IQCJ: variants seen among roughly 807,000 people sequenced by gnomAD.
IQCJ encodes IQ motif containing J.
IQCJ carries 9 observed loss-of-function variants against 11.0 expected under a neutral mutation model. The observed-to-expected ratio is 0.82, with a 90% CI of 0.49 to 1.43. The LOEUF is 1.43. Among genes scored for constraint, IQCJ ranks in the 40% most tolerant of loss-of-function variants. The probability of loss-of-function intolerance (pLI) is 0.00; values close to 1 mark genes in which losing one functional copy is unlikely to be tolerated. For synonymous variants in IQCJ, 55 were observed against 51.3 expected, an observed-to-expected ratio of 1.07 and a Z score of -0.31; for missense variants, 146 against 133.2, an observed-to-expected ratio of 1.10 and a Z score of -0.47.
chr3:159,226,549 T>C (rs1725864710), intron 1 of IQCJ, among the ~76,000 whole-genome samples: 1 of 152,186 alleles, frequency 6.6e-6, no homozygotes. Context: ...TTATGCAAGA[T>C]GCTAATATTG....
At chr3:159,239,023 G>A (rs928052736) in intron 1 of IQCJ, among the ~76,000 whole-genome samples, 5 of 152,176 alleles carry the variant, frequency 3.3e-5, no homozygotes, top group African/African-American at 1.2e-4. Flanking sequence ...GGACTAGCAA[G>A]AGAAACCAAT....
intron 1 of IQCJ, among the ~76,000 whole-genome samples, chr3:159,194,706 T>G (rs1380235026): frequency 6.6e-6 from 1 of 152,186 alleles, no homozygotes; most frequent in African/African-American, 2.4e-5. Flanking sequence ...GATCTTTTCT[T>G]CCATCTTCTG....
intron 1 of IQCJ, among the ~76,000 whole-genome samples, chr3:159,200,984 A>T (rs1724298019): frequency 6.6e-6 from 1 of 151,424 alleles, no homozygotes. Flanking sequence ...CCCTGTATAG[A>T]TTAATGATAT....
intron 1 of IQCJ, among the ~76,000 whole-genome samples, chr3:159,086,924 A>C (rs896269566): frequency 6.6e-6 from 1 of 152,054 alleles, no homozygotes; most frequent in South Asian, 2.1e-4. Context: ...TCTCCTGCCT[A>C]ATTGCCCTGG....
intron 1 of IQCJ, among the ~76,000 whole-genome samples, chr3:159,144,409 G>A (rs185272694): frequency 6.6e-6 from 1 of 152,186 alleles, no homozygotes; most frequent in African/African-American, 2.4e-5. Flanking sequence ...TAGGGATCAT[G>A]AGTATCTCTG....
At chr3:159,125,632 A>C (rs1013721577) in intron 1 of IQCJ, among the ~76,000 whole-genome samples, 5 of 152,342 alleles carry the variant, frequency 3.3e-5, no homozygotes, top group African/African-American at 1.2e-4. Flanking sequence ...TTTTTTAAAA[A>C]GGCAAGGTCA....
intron 3 of IQCJ, among the ~76,000 whole-genome samples, chr3:159,261,878 C>T (rs563166999): frequency 1.3e-5 from 2 of 152,362 alleles, no homozygotes; most frequent in South Asian, 2.1e-4. Context: ...TAGTACGTAA[C>T]ACTTGAATAA....
intron 2 of IQCJ, among the ~76,000 whole-genome samples, chr3:159,252,441 C>T (rs1727657095): frequency 6.6e-6 from 1 of 152,110 alleles, no homozygotes; most frequent in South Asian, 2.1e-4. Flanking sequence ...TGAAATTGTC[C>T]AATATGCTCC....
At position 159,246,645 on chromosome 3, in the gene IQCJ, G is replaced by T. The variant is rs1318551832; in HGVS notation, c.74+738G>T. On this transcript the variant is annotated intron_variant, in intron 2 of 3. Coordinates refer to ENST00000397832, the MANE Select transcript of IQCJ (RefSeq NM_001042706.3). ...GCTTGGCTCTGGACACCACGTTTAA[G>T]AATCACATTGACATTGCCAAGAGTA... Among the ~76,000 whole-genome samples the T allele has an allele frequency of 2.6e-5, 4 of 152,104 alleles. No individual in the cohort carries two copies. The East Asian group carries it at 7.7e-4, about 29-fold the overall frequency.
intron 1 of IQCJ, among the ~76,000 whole-genome samples, chr3:159,143,316 T>C (rs564234548): frequency 6.6e-6 from 1 of 152,340 alleles, no homozygotes; most frequent in African/African-American, 2.4e-5. Flanking sequence ...TACTGTTCCA[T>C]ACAAATTCTC....
At chr3:159,091,055 T>C (rs1717242106) in intron 1 of IQCJ, among the ~76,000 whole-genome samples, 1 of 151,878 alleles carries the variant, frequency 6.6e-6, no homozygotes, top group African/African-American at 2.4e-5. Flanking sequence ...ATAATTAATG[T>C]TGACCTATGG....
chr3:159,167,313 C>T (rs1722227106), intron 1 of IQCJ, among the ~76,000 whole-genome samples: 1 of 152,086 alleles, frequency 6.6e-6, no homozygotes, highest in Non-Finnish European at 1.5e-5. Context: ...AATTGATTTC[C>T]ATTTTCTGAA....
chr3:159,117,886 T>C (rs566954683), intron 1 of IQCJ, among the ~76,000 whole-genome samples: 1 of 152,310 alleles, frequency 6.6e-6, no homozygotes, highest in Non-Finnish European at 1.5e-5. Context: ...GTTTACTAGC[T>C]ACTGTGCTAG....
chr3:159,258,058 G>A (rs911229921), intron 3 of IQCJ, among the ~76,000 whole-genome samples: 3 of 152,100 alleles, frequency 2.0e-5, no homozygotes, highest in East Asian at 1.9e-4. Flanking sequence ...ATGGTCTAAC[G>A]TGCTTTAAGC....
At position 159,121,280 on chromosome 3, in the gene IQCJ, T is replaced by A. The variant is rs147538304; in HGVS notation, c.9+51839T>A. Among the ~76,000 whole-genome samples, 531 of 152,068 alleles carry A rather than the reference T, an allele frequency of 3.5e-3. 4 individuals are homozygous for A. Among genetic ancestry groups the A allele is most frequent in the Middle Eastern group, 0.02 (6 of 294 alleles). On this transcript the variant is annotated intron_variant, in intron 1 of 3. Transcript: ENST00000397832. ...TCCTGAATAGCTGGGACCACAGGCA[T>A]GCATTACCATGCCCGGCTAATCAAA...
At chr3:159,161,278 A>C (rs1246720755) in intron 1 of IQCJ, among the ~76,000 whole-genome samples, 1 of 152,210 alleles carries the variant, frequency 6.6e-6, no homozygotes, top group Non-Finnish European at 1.5e-5. Flanking sequence ...TCTGATGGCC[A>C]GTGATGGTGG....
At chr3:159,189,073 A>C (rs1001982453) in intron 1 of IQCJ, among the ~76,000 whole-genome samples, 2 of 152,116 alleles carry the variant, frequency 1.3e-5, no homozygotes, top group Non-Finnish European at 2.9e-5. Context: ...TATAGATGCA[A>C]GCCTCTGTAA....
chr3:159,119,390 A>G (rs562629939), intron 1 of IQCJ, among the ~76,000 whole-genome samples: 2 of 152,232 alleles, frequency 1.3e-5, no homozygotes, highest in Admixed American at 6.5e-5. Flanking sequence ...AACATGCGGC[A>G]GACTACCAAA....
chr3:159,224,870 C>A (rs1725757840), intron 1 of IQCJ, among the ~76,000 whole-genome samples: 1 of 152,028 alleles, frequency 6.6e-6, no homozygotes, highest in Admixed American at 6.6e-5. Flanking sequence ...ATAACAAATT[C>A]TTTTTTAAAT....
Sources: allele counts gnomAD v4.1 joint callset (sites outside exome capture counted in the v4.1 genomes callset), GRCh38; gene constraint gnomAD v4.1.1; transcripts MANE v1.5; gene names NCBI Gene and HGNC (gene_info 2026-07-23, HGNC 2026-07-21).